FAM78B: variants seen among roughly 807,000 people sequenced by gnomAD.
FAM78B encodes protein FAM78B.
A neutral mutation model predicts 20.0 loss-of-function variants in FAM78B; 10 were observed. The observed-to-expected ratio is 0.50, with a 90% CI of 0.31 to 0.85. FAM78B has a LOEUF of 0.85. Ranked by LOEUF, FAM78B falls within the 40% of genes least tolerant of loss-of-function variation. The probability of loss-of-function intolerance (pLI) is 0.05; values close to 1 mark genes in which losing one functional copy is unlikely to be tolerated. For synonymous variants in FAM78B, 135 were observed against 132.8 expected, an observed-to-expected ratio of 1.02 and a Z score of -0.12; for missense variants, 283 against 345.0, an observed-to-expected ratio of 0.82 and a Z score of 1.42.
chr1:166,145,335 G>C (rs1655416391), intron 1 of FAM78B, among the ~76,000 whole-genome samples: 1 of 152,182 alleles, frequency 6.6e-6, no homozygotes, highest in South Asian at 2.1e-4. Flanking sequence ...TTACATGTTG[G>C]GTGTGCTTCC....
chr1:166,095,501 A>T (rs531238653), intron 1 of FAM78B, among the ~76,000 whole-genome samples: 1 of 152,308 alleles, frequency 6.6e-6, no homozygotes, highest in Admixed American at 6.5e-5. Context: ...CTTTGGGGGC[A>T]TGTGTACTCT....
In FAM78B at chr1:166,166,112, G is replaced by T. The variant is rs1411460712; in HGVS notation, c.137C>A (p.Thr46Asn). 1 of 1,612,488 alleles carries T rather than the reference G, an allele frequency of 6.2e-7. No homozygotes were observed. The highest frequency in any genetic ancestry group is 8.5e-7 in the Non-Finnish European group (1 of 1,179,282). ...GCGGGCGGAGGCTTTGAAGTAGGGG[G>T]TCTTGTAGCGCAGGACGATGGGCGA... ...ETSPIVLRYK[T>N]PYFKASARVV... The change falls in exon 1 of 2, where the codon ACC becomes AAC. Residue 46 changes from threonine to asparagine, a missense_variant. Physicochemically the swap from Thr to Asn is moderately conservative, Grantham distance 65. Transcript: ENST00000354422.
intron 1 of FAM78B, among the ~76,000 whole-genome samples, chr1:166,102,388 C>A: frequency 6.6e-6 from 1 of 152,152 alleles, no homozygotes; most frequent in Admixed American, 6.5e-5. Flanking sequence ...GGGCTAAATG[C>A]TCCAATTAAA....
In FAM78B at chr1:166,109,842, A is replaced by ATGTG. The variant is rs1358989273; in HGVS notation, c.264-39080_264-39079insCACA. 5.4e-4 allele frequency among the ~76,000 whole-genome samples: 14 copies of ATGTG among 25,832 alleles called. 1 individual carries two copies. The highest frequency in any genetic ancestry group is 3.2e-3 in the Admixed American group (6 of 1,854). 16.9% of individuals were successfully genotyped at this position (25,832 alleles called of 152,430 possible). A position where few individuals can be genotyped will look rare whatever the true frequency, so the allele number is the denominator to read the frequency against. ...TATATATATATATATGTATATATGT[A>ATGTG]TATATATATATATATATATGTATGT... On this transcript the variant is annotated intron_variant, in intron 1 of 1. Coordinates refer to ENST00000354422, the MANE Select transcript of FAM78B (RefSeq NM_001017961.5).
chr1:166,077,029 A>T (rs1374119554), intron 1 of FAM78B, among the ~76,000 whole-genome samples: 1 of 152,206 alleles, frequency 6.6e-6, no homozygotes, highest in Non-Finnish European at 1.5e-5. Context: ...TAATTTCCAA[A>T]GTTGAGAATT....
chr1:166,147,122 C>T (rs1655483211), intron 1 of FAM78B, among the ~76,000 whole-genome samples: 3 of 152,192 alleles, frequency 2.0e-5, no homozygotes, highest in Admixed American at 2.0e-4. Context: ...GAGAGGTGGT[C>T]AGGAAAGAAC....
At chr1:166,102,521 A>C (rs1265363462) in intron 1 of FAM78B, among the ~76,000 whole-genome samples, 1 of 152,204 alleles carries the variant, frequency 6.6e-6, no homozygotes, top group East Asian at 1.9e-4. Context: ...AGATCTACCA[A>C]GCAAATGGAA....
intron 1 of FAM78B, among the ~76,000 whole-genome samples, chr1:166,102,534 C>CA (rs1199687844): frequency 6.6e-6 from 1 of 151,454 alleles, no homozygotes; most frequent in Non-Finnish European, 1.5e-5. Context: ...AAATGGAAAA[C>CA]AAAAAAAGGC....
At position 166,069,844 on chromosome 1, in the gene FAM78B, A is replaced by C; in HGVS notation, c.*397T>G. 1 of 355,524 alleles carries C rather than the reference A, an allele frequency of 2.8e-6. No homozygotes were observed. The highest frequency in any genetic ancestry group is 4.0e-6 in the Non-Finnish European group (1 of 251,900). The allele number at this position is 355,524 out of a possible 1,614,324, so 22.0% of individuals were successfully genotyped here. On this transcript the variant is annotated 3_prime_UTR_variant, in exon 2 of 2. Transcript: ENST00000354422. ...TCTGTCTTACGACCACCTGGTGTGG[A>C]TGTTTTCACTCCTACTTCTAATTGG...
intron 1 of FAM78B, among the ~76,000 whole-genome samples, chr1:166,082,926 A>C (rs1652639165): frequency 6.6e-6 from 1 of 152,134 alleles, no homozygotes; most frequent in Admixed American, 6.5e-5. Context: ...GCTTGCATTA[A>C]ATAGGAGCCC....
chr1:166,069,858 A>G lies in FAM78B; in HGVS notation c.*383T>C, dbSNP rs1651947650. ...ACCTGGTGTGGATGTTTTCACTCCT[A>G]CTTCTAATTGGCTGGGAAGCAGCAT... On this transcript the variant is annotated 3_prime_UTR_variant, in exon 2 of 2. Transcript: ENST00000354422. 4.3e-6 allele frequency: 2 copies of G among 460,086 alleles called. No individual in the cohort carries two copies. Among genetic ancestry groups the G allele is most frequent in the Admixed American group, 6.2e-5 (1 of 16,186 alleles). The allele number at this position is 460,086 out of a possible 1,614,324, so 28.5% of individuals were successfully genotyped here.
At chr1:166,095,696 G>A (rs1653249287) in intron 1 of FAM78B, among the ~76,000 whole-genome samples, 1 of 152,108 alleles carries the variant, frequency 6.6e-6, no homozygotes, top group Non-Finnish European at 1.5e-5. Context: ...AAAAGGGCAG[G>A]GAATTGCTTA....
At chr1:166,129,445 C>T (rs879939989) in intron 1 of FAM78B, among the ~76,000 whole-genome samples, 7 of 152,206 alleles carry the variant, frequency 4.6e-5, no homozygotes, top group Non-Finnish European at 8.8e-5. Flanking sequence ...TCAAGAAGCC[C>T]ATCTCTGCAA....
intron 1 of FAM78B, among the ~76,000 whole-genome samples, chr1:166,140,472 G>A (rs747136954): frequency 2.1e-4 from 32 of 152,222 alleles, no homozygotes; most frequent in Non-Finnish European, 3.1e-4. Context: ...TTCAGGAAAC[G>A]ATAGTTAGGA....
In FAM78B at chr1:166,090,267, C is replaced by A. The variant is rs76978624; in HGVS notation, c.264-19504G>T. ...CCCCATGCAACACTTTTTAGGGCTTCTGAGCACGTAAACACAAACAAACAT... is the reference window on the plus strand; with the variant it reads ...CCCCATGCAACACTTTTTAGGGCTTATGAGCACGTAAACACAAACAAACAT... On this transcript the variant is annotated intron_variant, in intron 1 of 1. Transcript: ENST00000354422. Among the ~76,000 whole-genome samples the A allele has an allele frequency of 3.0e-3, 461 of 152,008 alleles. 2 individuals are homozygous for A. The highest frequency in any genetic ancestry group is 0.011 in the African/African-American group (452 of 41,558).
intron 1 of FAM78B, chr1:166,087,123 T>C (rs951476349): frequency 6.6e-6 from 1 of 152,058 alleles, no homozygotes; most frequent in Non-Finnish European, 1.5e-5. Flanking sequence ...TGGAGTGCAA[T>C]GGCACGATCT....
chr1:166,101,091 T>A (rs1183057482), intron 1 of FAM78B, among the ~76,000 whole-genome samples: 1 of 152,110 alleles, frequency 6.6e-6, no homozygotes, highest in African/African-American at 2.4e-5. Flanking sequence ...GGGTCTGGAG[T>A]GGGCCTCTGG....
intron 1 of FAM78B, among the ~76,000 whole-genome samples, chr1:166,094,357 G>C (rs1425940271): frequency 6.6e-6 from 1 of 152,202 alleles, no homozygotes; most frequent in Non-Finnish European, 1.5e-5. Context: ...AAGAGAATCT[G>C]TGTCCCGTGC....
chr1:166,112,804 A>G (rs1654107562), intron 1 of FAM78B, among the ~76,000 whole-genome samples: 1 of 152,166 alleles, frequency 6.6e-6, no homozygotes, highest in African/African-American at 2.4e-5. Flanking sequence ...TGTCTTCCCA[A>G]CAATCCTATG....
Sources: gnomAD v4.1 joint callset for allele counts (sites outside exome capture counted in the v4.1 genomes callset) on GRCh38, gnomAD v4.1.1 for gene constraint, MANE v1.5 for transcripts, NCBI Gene and HGNC (gene_info 2026-07-23, HGNC 2026-07-21) for gene names.